The following USP54 variants were observed in gnomAD, a reference collection of about 807,000 sequenced individuals.
USP54 encodes the protein ubiquitin specific peptidase 54.
A neutral mutation model predicts 170.5 loss-of-function variants in USP54; 87 were observed. That is an observed-to-expected ratio of 0.51 (90% confidence interval 0.43 to 0.61). The LOEUF (loss-of-function observed/expected upper bound fraction) is 0.61. USP54 is among the 20% of genes least tolerant of loss of function. The probability of loss-of-function intolerance (pLI) is 0.00; values close to 1 mark genes in which losing one functional copy is unlikely to be tolerated. For synonymous variants in USP54, 655 were observed against 742.8 expected (o/e 0.88, Z 1.92); for missense variants, 1,786 against 2,047.8 (o/e 0.87, Z 2.47).
At chr10:73,528,488 C>T (rs1430663645) in intron 15 of USP54, among the ~76,000 whole-genome samples, 2 of 151,862 alleles carry the variant, frequency 1.3e-5, no homozygotes, top group African/African-American at 2.4e-5. Context: ...GAACTTCTGA[C>T]GTCGTGATCC....
At chr10:73,513,118 G>T (rs1296399144) in intron 20 of USP54, 1 of 152,162 alleles carries the variant, frequency 6.6e-6, no homozygotes, top group Non-Finnish European at 1.5e-5. Flanking sequence ...GACCACTTAA[G>T]TGCAAAGATA....
chr10:73,586,225 G>A (rs2077466955), intron 1 of USP54, among the ~76,000 whole-genome samples: 1 of 151,968 alleles, frequency 6.6e-6, no homozygotes, highest in African/African-American at 2.4e-5. Context: ...AATATACCCT[G>A]TCCTTTACTT....
At chr10:73,570,132 A>C (rs1489602566) in intron 4 of USP54, among the ~76,000 whole-genome samples, 1 of 152,008 alleles carries the variant, frequency 6.6e-6, no homozygotes, top group East Asian at 1.9e-4. Flanking sequence ...ACTTTATGAG[A>C]CCAAAAATGA....
At chr10:73,603,290 C>T (rs1020372633) in intron 1 of USP54, among the ~76,000 whole-genome samples, 1 of 151,934 alleles carries the variant, frequency 6.6e-6, no homozygotes, top group Admixed American at 6.6e-5. Context: ...TTTTAAATGT[C>T]TTAGAAAATA....
chr10:73,613,469 C>A (rs2080332725), intron 1 of USP54, among the ~76,000 whole-genome samples: 1 of 151,118 alleles, frequency 6.6e-6, no homozygotes, highest in Non-Finnish European at 1.5e-5. Flanking sequence ...GACCCTGTCA[C>A]CCCCACCAAA....
chr10:73,527,486 G>A (rs1319024050), intron 15 of USP54, among the ~76,000 whole-genome samples: 3 of 117,452 alleles, frequency 2.6e-5, no homozygotes, highest in Admixed American at 1.2e-4. Flanking sequence ...GACAGAGCGA[G>A]ACACTCCATC....
intron 20 of USP54, among the ~76,000 whole-genome samples, chr10:73,510,451 CTTTT>C (rs200970566): frequency 7.2e-6 from 1 of 139,604 alleles, no homozygotes. Flanking sequence ...AACATTTATT[CTTTT>C]TTTTTTTTTT....
At chr10:73,565,122 T>C (rs1258802208) in intron 4 of USP54, among the ~76,000 whole-genome samples, 1 of 151,644 alleles carries the variant, frequency 6.6e-6, no homozygotes, top group Non-Finnish European at 1.5e-5. Context: ...ACCTAAGTGA[T>C]ATAATCAGTA....
intron 4 of USP54, among the ~76,000 whole-genome samples, chr10:73,563,130 G>T (rs7073223): frequency 0.042 from 6,373 of 151,784 alleles, 409 homozygotes; most frequent in African/African-American, 0.14. Flanking sequence ...TTTTAAAAAT[G>T]TTTTCGTAGA....
intron 11 of USP54, among the ~76,000 whole-genome samples, chr10:73,535,822 G>A (rs1232969843): frequency 6.6e-6 from 1 of 152,036 alleles, no homozygotes; most frequent in Non-Finnish European, 1.5e-5. Flanking sequence ...AGGATAACAG[G>A]CATGCATCAC....
intron 1 of USP54, among the ~76,000 whole-genome samples, chr10:73,623,889 A>G (rs1250184828): frequency 6.6e-6 from 1 of 152,072 alleles, no homozygotes; most frequent in African/African-American, 2.4e-5. Context: ...AATAAATATT[A>G]AGTGGCTAAA....
intron 4 of USP54, among the ~76,000 whole-genome samples, chr10:73,557,031 T>C (rs1009894140): frequency 2.0e-5 from 3 of 152,202 alleles, no homozygotes; most frequent in Admixed American, 6.5e-5. Context: ...TCCTACATCC[T>C]GGCACTGCAA....
chr10:73,530,933 A>G, intron 12 of USP54, 98 bp from the exon 13 acceptor site: 1 of 1,529,648 alleles, frequency 6.5e-7, no homozygotes, highest in Non-Finnish European at 8.9e-7. Flanking sequence ...CCACAAATTT[A>G]GAGTACCCAT....
In USP54 at chr10:73,543,138, G is replaced by C. The variant is rs540666074; in HGVS notation, c.376-7C>G. ...TTCTCATCAGGAGGTTTTCCTGACAGGGAAAGAACAAAAGCAGTATACCAA... is the reference window on the plus strand; with the variant it reads ...TTCTCATCAGGAGGTTTTCCTGACACGGAAAGAACAAAAGCAGTATACCAA... On this transcript the variant is annotated splice_polypyrimidine_tract_variant and splice_region_variant and intron_variant, in intron 5 of 23. Transcript: ENST00000687698. 1 of 1,591,852 alleles carries C rather than the reference G, an allele frequency of 6.3e-7. No homozygotes were observed. Among genetic ancestry groups the C allele is most frequent in the Non-Finnish European group, 8.6e-7 (1 of 1,159,848 alleles).
intron 23 of USP54, among the ~76,000 whole-genome samples, chr10:73,500,158 G>T (rs1224037159): frequency 6.6e-6 from 1 of 152,128 alleles, no homozygotes; most frequent in Non-Finnish European, 1.5e-5. Flanking sequence ...AAATGATATT[G>T]CCCACCTTCC....
chr10:73,624,198 A>ATTTT (rs1208558815), intron 1 of USP54, among the ~76,000 whole-genome samples: 3 of 102,488 alleles, frequency 2.9e-5, no homozygotes, highest in African/African-American at 4.1e-5. Context: ...ATATATATGT[A>ATTTT]TTTTTTTTTT....
At chr10:73,508,084 G>A (rs1033715082) in intron 20 of USP54, among the ~76,000 whole-genome samples, 2 of 152,174 alleles carry the variant, frequency 1.3e-5, no homozygotes, top group Non-Finnish European at 2.9e-5. Context: ...GGTAGCCACT[G>A]GAACCTCCTG....
At chr10:73,534,503 G>A in intron 12 of USP54, 97 bp downstream of exon 12, 1 of 1,419,540 alleles carries the variant, frequency 7.0e-7, no homozygotes, top group Non-Finnish European at 9.6e-7. Flanking sequence ...GGGATTACAG[G>A]TGTGAGCCAC....
At chr10:73,509,485 C>T (rs150353006) in intron 20 of USP54, among the ~76,000 whole-genome samples, 6,731 of 149,994 alleles carry the variant, frequency 0.045, 457 homozygotes, top group African/African-American at 0.15. Flanking sequence ...CGTGGTGGCG[C>T]GTGCCTGTAA....
Sources: allele counts gnomAD v4.1 joint callset (sites outside exome capture counted in the v4.1 genomes callset), GRCh38; gene constraint gnomAD v4.1.1; transcripts MANE v1.5; gene names NCBI Gene and HGNC (gene_info 2026-07-23, HGNC 2026-07-21).